The following NWD2 variants were observed in gnomAD, a reference collection of about 807,000 sequenced individuals.
NWD2 encodes NACHT and WD repeat domain-containing protein 2.
In NWD2, 37 loss-of-function variants were observed where a neutral mutation model predicts 132.7. The observed-to-expected ratio is 0.28, with a 90% CI of 0.21 to 0.37. The LOEUF is 0.37. Ranked by LOEUF, NWD2 falls within the 10% of genes least tolerant of loss-of-function variation. NWD2 has a pLI of 1.00. For synonymous variants in NWD2, 705 were observed against 803.0 expected, an observed-to-expected ratio of 0.88 and a Z score of 2.06; for missense variants, 1,592 against 2,122.4, an observed-to-expected ratio of 0.75 and a Z score of 4.91.
intron 1 of NWD2, among the ~76,000 whole-genome samples, chr4:37,272,337 A>G (rs1473954516): frequency 6.6e-6 from 1 of 151,732 alleles, no homozygotes; most frequent in Admixed American, 6.6e-5. Flanking sequence ...TACCACCTCT[A>G]TTTAAAAAAA....
chr4:37,293,823 A>C (rs1023525832), intron 1 of NWD2, among the ~76,000 whole-genome samples: 3 of 151,784 alleles, frequency 2.0e-5, no homozygotes, highest in Admixed American at 6.6e-5. Context: ...CCTACCAGCT[A>C]TTGCAAGCTA....
chr4:37,271,435 AT>A (rs1284255937), intron 1 of NWD2, among the ~76,000 whole-genome samples: 2 of 151,778 alleles, frequency 1.3e-5, no homozygotes, highest in African/African-American at 4.8e-5. Context: ...TTGTTAAATT[AT>A]TTGCTAAGTA....
rs1712645959 is a variant in NWD2 at position 37,446,695 on chromosome 4, G to T, written c.4707G>T (p.Arg1569=). The change falls in exon 7 of 7, where the codon CGG becomes CGT. Residue 1569 remains arginine, a synonymous_variant. Transcript: ENST00000309447. The surrounding 1 kb of genome is among the most constrained non-coding windows in gnomAD (Gnocchi z 6.7). ...RVVHASGIIW[R]QRLSRDGRYL... ...TTCACGCCTCTGGGATCATCTGGCG[G>T]CAGAGGTTGTCTCGGGATGGTCGCT... 6 of 1,551,498 alleles carry T rather than the reference G, an allele frequency of 3.9e-6. No individual in the cohort carries two copies. The highest frequency in any genetic ancestry group is 5.2e-6 in the Non-Finnish European group (6 of 1,146,986).
At chr4:37,329,991 A>G (rs1482677178) in intron 2 of NWD2, among the ~76,000 whole-genome samples, 1 of 152,248 alleles carries the variant, frequency 6.6e-6, no homozygotes, top group African/African-American at 2.4e-5. Flanking sequence ...ATAGCTGCAC[A>G]TAGTAATCCA....
chr4:37,430,818 A>G (rs1412333582), intron 4 of NWD2, 43 bp downstream of exon 4: 6 of 1,484,448 alleles, frequency 4.0e-6, no homozygotes, highest in African/African-American at 2.8e-5. Context: ...GTCCATTACT[A>G]CATTTGTTAC....
chr4:37,362,358 A>G lies in NWD2; in HGVS notation c.357+5876A>G, dbSNP rs114171278. ...AACCAAAAAAGAGTGTGAATAGCCA[A>G]AACAAAGCTAACCAAAAAGAACAAA... is the stretch of plus-strand genomic sequence containing the variant. On this transcript the variant is annotated intron_variant, in intron 3 of 6. Transcript: ENST00000309447. Among the ~76,000 whole-genome samples the G allele has an allele frequency of 9.5e-3, 1,450 of 152,312 alleles. 11 individuals carry two copies. The highest frequency in any genetic ancestry group is 0.033 in the African/African-American group (1,369 of 41,574).
At position 37,444,568 on chromosome 4, in the gene NWD2, G is replaced by C; in HGVS notation, c.2580G>C (p.Trp860Cys). ...LLYGIIMNFS[W>C]LYTMIKIGQF... is the part of the protein sequence containing the mutation. ...ACGGCATCATCATGAACTTCAGCTG[G>C]CTTTATACCATGATCAAAATTGGCC... Residue 860 changes from tryptophan to cysteine, a missense_variant, in exon 7 of 7, where the codon TGG becomes TGC. Around this residue, in one of 7 missense-constraint regions of NWD2, gnomAD observed 1,071 missense variants for 1,398.0 expected, o/e 0.77. Coordinates refer to ENST00000309447, the MANE Select transcript of NWD2 (RefSeq NM_001144990.2). The surrounding 1 kb of genome is among the most constrained non-coding windows in gnomAD (Gnocchi z 4.8). The C allele has an allele frequency of 1.3e-6, 2 of 1,551,866 alleles. No individual in the cohort carries two copies.
intron 3 of NWD2, among the ~76,000 whole-genome samples, chr4:37,393,200 G>GGA (rs1158243463): frequency 6.6e-6 from 1 of 150,976 alleles, no homozygotes; most frequent in South Asian, 2.1e-4. Context: ...GGGGGTTGGG[G>GGA]GGAGACTCTG....
intron 3 of NWD2, among the ~76,000 whole-genome samples, chr4:37,360,324 G>T (rs1364151256): frequency 6.6e-6 from 1 of 152,078 alleles, no homozygotes; most frequent in Non-Finnish European, 1.5e-5. Context: ...AGGCATTTAT[G>T]TGCTATTATA....
rs111299788 is a variant in NWD2, at chr4:37,358,030, G to A, written c.357+1548G>A. On this transcript the variant is annotated intron_variant, in intron 3 of 6. Coordinates refer to ENST00000309447, the MANE Select transcript of NWD2 (RefSeq NM_001144990.2). ...ATGGGATATGGGGAACGTATCATGG[G>A]GCCTTTTCATCTTTTATGATTAAGA... is the stretch of plus-strand genomic sequence containing the variant. Among the ~76,000 whole-genome samples the A allele has an allele frequency of 8.3e-4, 127 of 152,176 alleles. 2 individuals are homozygous for A. The highest frequency in any genetic ancestry group is 3.0e-3 in the African/African-American group (123 of 41,532).
intron 1 of NWD2, among the ~76,000 whole-genome samples, chr4:37,313,493 A>G (rs890381951): frequency 6.8e-6 from 1 of 147,208 alleles, no homozygotes; most frequent in African/African-American, 2.6e-5. Context: ...ATCATTTTTT[A>G]TTGTGTCTAG....
intron 2 of NWD2, 45 bp from the exon 3 acceptor site, chr4:37,356,321 C>G: frequency 1.9e-6 from 2 of 1,039,872 alleles, no homozygotes; most frequent in Non-Finnish European, 2.7e-6. Flanking sequence ...TAAATAAAAA[C>G]AAAGCCCACA....
chr4:37,366,646 TA>T (rs1720103940), intron 3 of NWD2, among the ~76,000 whole-genome samples: 1 of 152,020 alleles, frequency 6.6e-6, no homozygotes. Flanking sequence ...AGTAAAATGA[TA>T]AAAGTATGTA....
intron 1 of NWD2, among the ~76,000 whole-genome samples, chr4:37,287,756 C>G (rs1390266353): frequency 6.6e-6 from 1 of 152,160 alleles, no homozygotes; most frequent in African/African-American, 2.4e-5. Flanking sequence ...AGTGGATTTC[C>G]CCCTAGTGAA....
chr4:37,300,743 C>A (rs1718597585), intron 1 of NWD2, among the ~76,000 whole-genome samples: 1 of 151,688 alleles, frequency 6.6e-6, no homozygotes, highest in South Asian at 2.1e-4. Flanking sequence ...AATAAGTACA[C>A]CCAACAAAGA....
intron 3 of NWD2, among the ~76,000 whole-genome samples, chr4:37,368,938 C>G (rs1199926950): frequency 1.3e-5 from 2 of 152,086 alleles, no homozygotes; most frequent in Non-Finnish European, 2.9e-5. Context: ...ATGTCATGAT[C>G]CAGATGAAAG....
At chr4:37,310,596 T>G (rs912811083) in intron 1 of NWD2, among the ~76,000 whole-genome samples, 4 of 151,944 alleles carry the variant, frequency 2.6e-5, no homozygotes, top group Non-Finnish European at 5.9e-5. Flanking sequence ...AACATTTGCC[T>G]AATATCTTGA....
chr4:37,390,231 T>TATACTTTAAGTATATGTAC (rs1235582267), intron 3 of NWD2, among the ~76,000 whole-genome samples: 8 of 141,308 alleles, frequency 5.7e-5, no homozygotes, highest in Non-Finnish European at 9.5e-5. Flanking sequence ...TATATGTACA[T>TATACTTTAAGTATATGTAC]ATACTTTAAG....
intron 1 of NWD2, among the ~76,000 whole-genome samples, chr4:37,268,044 T>C (rs1459274334): frequency 2.6e-5 from 4 of 151,884 alleles, no homozygotes; most frequent in Admixed American, 1.3e-4. Flanking sequence ...AGAAAATAGA[T>C]TTGTATTTGG....
Sources: allele counts gnomAD v4.1 joint callset (sites outside exome capture counted in the v4.1 genomes callset), GRCh38; gene constraint gnomAD v4.1.1; regional missense constraint gnomAD v4.1.1; non-coding constraint Gnocchi (gnomAD v3.1); transcripts MANE v1.5; gene names NCBI Gene and HGNC (gene_info 2026-07-23, HGNC 2026-07-21).